Variants in THUMPD2 observed in about 807,000 individuals in gnomAD.
THUMPD2 encodes the protein THUMP domain 2 tRNA and snRNA guanosine methyltransferase.
THUMPD2 carries 56 observed loss-of-function variants against 49.4 expected under a neutral mutation model. That is an observed-to-expected ratio of 1.13 (90% CI 0.91 to 1.41). The LOEUF (loss-of-function observed/expected upper bound fraction) is 1.41, where lower values mean the gene tolerates loss of function less well. THUMPD2 is among the 40% of genes most tolerant of loss of function. The pLI, the probability that THUMPD2 is intolerant of heterozygous loss-of-function variation, is 0.00. For synonymous variants in THUMPD2, 237 were observed against 205.2 expected (o/e 1.15, Z -1.32); for missense variants, 709 against 594.5 (o/e 1.19, Z -2.00).
At chr2:39,765,254 G>C (rs995414041) in intron 5 of THUMPD2, among the ~76,000 whole-genome samples, 1 of 152,034 alleles carries the variant, frequency 6.6e-6, no homozygotes, top group Non-Finnish European at 1.5e-5. Context: ...CCGCCTCCTG[G>C]GTTCAAGTGA....
At chr2:39,747,502 T>C (rs999852256) in intron 8 of THUMPD2, among the ~76,000 whole-genome samples, 90 of 152,304 alleles carry the variant, frequency 5.9e-4, no homozygotes, top group African/African-American at 2.2e-3. Flanking sequence ...AAATGAACAT[T>C]TCTGAGAAGA....
In THUMPD2 at chr2:39,775,409, G is replaced by A. The variant is rs368409190; in HGVS notation, c.126+3705C>T. Among the ~76,000 whole-genome samples, 4 of 152,136 alleles carry A rather than the reference G, an allele frequency of 2.6e-5. No homozygotes were observed. The East Asian group carries it at 5.8e-4, about 22-fold the overall frequency. ...AAAGTGCTACGTGATGGGTTAAGGT[G>A]TTGTTTGAGTTTGTTTTGGTTTATT... On this transcript the variant is annotated intron_variant, in intron 1 of 9. Transcript: ENST00000505747.
At chr2:39,754,902 A>G (rs1478886521) in intron 8 of THUMPD2, among the ~76,000 whole-genome samples, 1 of 152,242 alleles carries the variant, frequency 6.6e-6, no homozygotes, top group African/African-American at 2.4e-5. Flanking sequence ...GTGAGGCAAG[A>G]CAGTAAGATA....
At chr2:39,747,920 G>A (rs574579397) in intron 8 of THUMPD2, among the ~76,000 whole-genome samples, 1 of 151,906 alleles carries the variant, frequency 6.6e-6, no homozygotes, top group African/African-American at 2.4e-5. Flanking sequence ...TTCCATTCTA[G>A]ACTACAAATT....
At position 39,744,452 on chromosome 2, in the gene THUMPD2, C is replaced by T; in HGVS notation, c.1105G>A (p.Asp369Asn). 6.3e-7 allele frequency: 1 copy of T among 1,581,678 alleles called. No individual in the cohort carries two copies. ...IELPLPSESV[D>N]IIISDIPFGK... The stretch of plus-strand genomic sequence containing the variant: ...AATGGAATGTCAGAAATAATAATAT[C>T]AACACTTTCTGAAGGCAATGGCAAT... The change falls in exon 9 of 10, where the codon GAT becomes AAT. Residue 369 changes from aspartate (D) to asparagine (N), a missense_variant. Coordinates refer to ENST00000505747, the MANE Select transcript of THUMPD2 (RefSeq NM_025264.5).
At chr2:39,741,776 A>T (rs1041775140) in intron 9 of THUMPD2, among the ~76,000 whole-genome samples, 32 of 152,154 alleles carry the variant, frequency 2.1e-4, no homozygotes, top group African/African-American at 7.5e-4. Context: ...GCCTGTTATG[A>T]ACAGGTTTGT....
intron 6 of THUMPD2, among the ~76,000 whole-genome samples, chr2:39,758,797 AAAAG>A (rs1306381023): frequency 2.0e-5 from 3 of 152,140 alleles, no homozygotes; most frequent in Non-Finnish European, 4.4e-5. Context: ...AAAAAAAAAA[AAAAG>A]GAGGAGGTCC....
At chr2:39,750,297 G>A (rs1187635726) in intron 8 of THUMPD2, among the ~76,000 whole-genome samples, 2 of 152,166 alleles carry the variant, frequency 1.3e-5, no homozygotes. Context: ...CATTCTGACT[G>A]GCATGAGATG....
Position 39,736,833 on chromosome 2 carries a change from A to T in THUMPD2, c.1414T>A (p.Phe472Ile). Reference sequence around the variant, plus strand: ...CATTCCACTGGTACCAAGGAGCCAAATGGTGACATTCTGTCTAAGAATTTG... The same window carrying T: ...CATTCCACTGGTACCAAGGAGCCAATTGGTGACATTCTGTCTAAGAATTTG... ...NHKFLDRMSPFGSLVPVECYK... is the reference protein window; with the variant it reads ...NHKFLDRMSPIGSLVPVECYK... The change falls in exon 10 of 10, where the codon TTT (phenylalanine) becomes ATT (isoleucine). Residue 472 changes from phenylalanine (F) to isoleucine (I), a missense_variant. Phe to Ile is a conservative substitution (Grantham distance 21, BLOSUM62 0). Transcript: ENST00000505747. 6.2e-7 allele frequency: 1 copy of T among 1,614,222 alleles called. No individual in the cohort carries two copies. The highest frequency in any genetic ancestry group is 8.5e-7 in the Non-Finnish European group (1 of 1,180,026).
At position 39,755,824 on chromosome 2, in the gene THUMPD2, T is replaced by C; in HGVS notation, c.963+65A>G. On this transcript the variant is annotated intron_variant, in intron 7 of 9. Transcript: ENST00000505747. The stretch of plus-strand genomic sequence containing the variant: ...AGACATTCTACTTGTAAATAATTGG[T>C]GATTATACTACATATACTGATTAAA... The C allele has an allele frequency of 1.5e-6, 2 of 1,292,210 alleles. 1 individual carries two copies. Among genetic ancestry groups the C allele is most frequent in the South Asian group, 2.6e-5 (2 of 78,244 alleles). The allele number at this position is 1,292,210 out of a possible 1,614,324, so 80.0% of individuals were successfully genotyped here. A position where few individuals can be genotyped will look rare whatever the true frequency, so the allele number is the denominator to read the frequency against.
intron 8 of THUMPD2, among the ~76,000 whole-genome samples, chr2:39,753,237 C>T (rs1223822671): frequency 1.3e-5 from 2 of 152,180 alleles, no homozygotes; most frequent in African/African-American, 4.8e-5. Context: ...CCCATTCTCT[C>T]AAGAGCCCCT....
chr2:39,739,629 T>C (rs887667150), intron 9 of THUMPD2, among the ~76,000 whole-genome samples: 5 of 152,166 alleles, frequency 3.3e-5, no homozygotes, highest in African/African-American at 1.2e-4. Flanking sequence ...GCCAAGTACA[T>C]GCAAGTGCAT....
intron 4 of THUMPD2, among the ~76,000 whole-genome samples, chr2:39,767,521 G>A (rs1445712031): frequency 5.6e-5 from 8 of 143,888 alleles, no homozygotes; most frequent in East Asian, 4.3e-4. Flanking sequence ...GGAGAATGGC[G>A]TGAACCCGGG....
chr2:39,747,467 T>G (rs1416295672), intron 8 of THUMPD2, among the ~76,000 whole-genome samples: 2 of 152,176 alleles, frequency 1.3e-5, no homozygotes, highest in African/African-American at 4.8e-5. Flanking sequence ...ACATCTGGAT[T>G]GGGTCACCAT....
At chr2:39,748,748 G>C (rs548543652) in intron 8 of THUMPD2, among the ~76,000 whole-genome samples, 3 of 151,908 alleles carry the variant, frequency 2.0e-5, no homozygotes, top group Non-Finnish European at 1.5e-5. Flanking sequence ...CCAGCACTCC[G>C]GGAGGCTGAG....
intron 6 of THUMPD2, among the ~76,000 whole-genome samples, chr2:39,760,164 T>C (rs1676631986): frequency 6.6e-6 from 1 of 152,088 alleles, no homozygotes; most frequent in Non-Finnish European, 1.5e-5. Flanking sequence ...TCTCCAGTAG[T>C]TGGGGCTTGG....
intron 9 of THUMPD2, among the ~76,000 whole-genome samples, chr2:39,743,816 C>G (rs1275590808): frequency 6.6e-6 from 1 of 152,220 alleles, no homozygotes; most frequent in Non-Finnish European, 1.5e-5. Context: ...AAGTAAACCT[C>G]TTTTCTTTAC....
intron 9 of THUMPD2, among the ~76,000 whole-genome samples, chr2:39,740,056 G>C (rs1673696325): frequency 6.6e-6 from 1 of 152,102 alleles, no homozygotes; most frequent in African/African-American, 2.4e-5. Context: ...CAGGCAGTTG[G>C]ATATGCTCTG....
intron 8 of THUMPD2, among the ~76,000 whole-genome samples, chr2:39,748,738 C>T (rs1011795190): frequency 2.6e-5 from 4 of 151,894 alleles, no homozygotes; most frequent in African/African-American, 9.7e-5. Context: ...ACCTGTAATC[C>T]CAGCACTCCG....
Sources: allele counts gnomAD v4.1 joint callset (sites outside exome capture counted in the v4.1 genomes callset), GRCh38; gene constraint gnomAD v4.1.1; transcripts MANE v1.5; gene names NCBI Gene and HGNC (gene_info 2026-07-23, HGNC 2026-07-21).